Variants in ULK4 observed in about 807,000 individuals in gnomAD.
ULK4 encodes unc-51 like kinase 4.
A neutral mutation model predicts 160.6 loss-of-function variants in ULK4; 133 were observed. The ratio of observed to expected loss-of-function variants is 0.83; its 90% CI spans 0.72 to 0.96. The LOEUF (loss-of-function observed/expected upper bound fraction) is 0.96. ULK4 is among the 40% of genes least tolerant of loss of function. The pLI, the probability that ULK4 is intolerant of heterozygous loss-of-function variation, is 0.00. For missense variants in ULK4, 1,580 were observed against 1,499.5 expected (o/e 1.05, Z -0.89); for synonymous variants, 534 against 539.8 (o/e 0.99, Z 0.15).
At chr3:41,626,668 G>A (rs1330724963) in intron 30 of ULK4, among the ~76,000 whole-genome samples, 10 of 152,012 alleles carry the variant, frequency 6.6e-5, no homozygotes, top group African/African-American at 2.4e-4. Context: ...AGGACTACAG[G>A]CGCCCGCCAC....
At chr3:41,906,891 G>A (rs1698585254) in intron 12 of ULK4, among the ~76,000 whole-genome samples, 1 of 152,076 alleles carries the variant, frequency 6.6e-6, no homozygotes, top group Admixed American at 6.6e-5. Context: ...GACTTGGTAG[G>A]CTGAGGCAGG....
intron 30 of ULK4, among the ~76,000 whole-genome samples, chr3:41,625,058 G>A (rs1199428644): frequency 6.6e-6 from 1 of 152,086 alleles, no homozygotes; most frequent in Non-Finnish European, 1.5e-5. Flanking sequence ...AAGGAAGAAG[G>A]GTGGCTGCAA....
At chr3:41,688,414 GATGGTT>G (rs2036170295) in intron 27 of ULK4, among the ~76,000 whole-genome samples, 2 of 152,270 alleles carry the variant, frequency 1.3e-5, no homozygotes, top group East Asian at 3.9e-4. Flanking sequence ...CAAACAAATA[GATGGTT>G]TATCAAAGGT....
intron 35 of ULK4, among the ~76,000 whole-genome samples, chr3:41,261,920 G>C (rs182013085): frequency 1.3e-5 from 2 of 152,344 alleles, no homozygotes; most frequent in Admixed American, 1.3e-4. Flanking sequence ...TCAACAGTTT[G>C]CTGGGTAGCC....
chr3:41,662,329 A>G (rs536461195), intron 30 of ULK4, among the ~76,000 whole-genome samples: 1 of 152,300 alleles, frequency 6.6e-6, no homozygotes, highest in South Asian at 2.1e-4. Context: ...AATAGATGGT[A>G]GTATTTGCAT....
chr3:41,436,559 G>C (rs924137031), intron 34 of ULK4, among the ~76,000 whole-genome samples: 1 of 152,138 alleles, frequency 6.6e-6, no homozygotes, highest in African/African-American at 2.4e-5. Flanking sequence ...GCAGAAAACT[G>C]TCATTTTAAC....
Position 41,304,277 on chromosome 3 carries a change from A to C in ULK4, c.3679-54703T>G, listed in dbSNP as rs2079858586. ...AATAAGAGCAAAGCTCCCCCTCAAAAAAAAAAAAAAAAAGAGACAACATTC... is the reference window on the plus strand; with the variant it reads ...AATAAGAGCAAAGCTCCCCCTCAAACAAAAAAAAAAAAAGAGACAACATTC... On this transcript the variant is annotated intron_variant, in intron 35 of 36. Coordinates refer to ENST00000301831, the MANE Select transcript of ULK4 (RefSeq NM_017886.4). 4.6e-5 allele frequency among the ~76,000 whole-genome samples: 7 copies of C among 151,172 alleles called. 2 individuals are homozygous for C. Among genetic ancestry groups the C allele is most frequent in the Admixed American group, 4.6e-4 (7 of 15,166 alleles).
intron 32 of ULK4, among the ~76,000 whole-genome samples, chr3:41,508,991 A>G (rs1034483864): frequency 6.6e-6 from 1 of 152,158 alleles, no homozygotes; most frequent in Non-Finnish European, 1.5e-5. Flanking sequence ...ATTGCCAGAA[A>G]AAGAACTCAG....
chr3:41,258,820 CATAA>C (rs2078887384), intron 35 of ULK4, among the ~76,000 whole-genome samples: 1 of 151,936 alleles, frequency 6.6e-6, no homozygotes, highest in Non-Finnish European at 1.5e-5. Context: ...ATACTAAATA[CATAA>C]ATTTCACCTG....
intron 18 of ULK4, 80 bp downstream of exon 18, chr3:41,835,784 T>G: frequency 9.0e-7 from 1 of 1,114,748 alleles, no homozygotes; most frequent in Non-Finnish European, 1.3e-6. Flanking sequence ...ATCAAAAAAC[T>G]TTTATAGGAT....
rs1233364111 is a variant in ULK4, at chr3:41,705,299, T to C, written c.2641A>G (p.Ile881Val). The C allele has an allele frequency of 1.2e-6, 2 of 1,608,956 alleles. No homozygotes were observed. The highest frequency in any genetic ancestry group is 1.1e-5 in the South Asian group (1 of 89,276). ...LFSYGTILSHIKSVDSGETNI... is the reference protein window; with the variant it reads ...LFSYGTILSHVKSVDSGETNI... The stretch of plus-strand genomic sequence containing the variant: ...GTTTCTCCTGAGTCTACAGATTTAA[T>C]ATGACTCTGAAAAAAAATAAATTTT... The change falls in exon 26 of 37, where the codon ATT (isoleucine) becomes GTT (valine). Residue 881 changes from isoleucine to valine, a missense_variant. Ile to Val is a conservative substitution (Grantham distance 29, BLOSUM62 3). Transcript: ENST00000301831.
At chr3:41,548,034 A>G (rs2125961537) in intron 32 of ULK4, among the ~76,000 whole-genome samples, 1 of 152,256 alleles carries the variant, frequency 6.6e-6, no homozygotes. Flanking sequence ...AAGTGTGTTC[A>G]GTGGGCCTAG....
intron 34 of ULK4, among the ~76,000 whole-genome samples, chr3:41,443,807 T>C (rs1390583928): frequency 6.6e-6 from 1 of 152,082 alleles, no homozygotes; most frequent in Non-Finnish European, 1.5e-5. Context: ...TTAACTAGCA[T>C]GTTAAGCAAT....
rs377087104 is a variant in ULK4 at position 41,427,751 on chromosome 3, G to C, written c.3492+27746C>G. ...CATGCTAAAAACTCTCAATAAATTA[G>C]ATATTGCTGGAACATACCTCAAAAT... is the stretch of plus-strand genomic sequence containing the variant. On this transcript the variant is annotated intron_variant, in intron 34 of 36. Transcript: ENST00000301831. Among the ~76,000 whole-genome samples, 32 of 152,238 alleles carry C rather than the reference G, an allele frequency of 2.1e-4. No homozygotes were observed. The East Asian group carries it at 4.1e-3, about 19-fold the overall frequency.
intron 17 of ULK4, among the ~76,000 whole-genome samples, chr3:41,872,872 C>T (rs1237495616): frequency 1.3e-5 from 2 of 152,028 alleles, no homozygotes; most frequent in Non-Finnish European, 1.5e-5. Context: ...CAACAAACTT[C>T]GGCTGGGCGC....
intron 35 of ULK4, among the ~76,000 whole-genome samples, chr3:41,250,114 T>C (rs2078718156): frequency 6.6e-6 from 1 of 152,158 alleles, no homozygotes; most frequent in African/African-American, 2.4e-5. Flanking sequence ...CACTTGGGCA[T>C]GCCTGACTCT....
intron 21 of ULK4, among the ~76,000 whole-genome samples, chr3:41,788,808 T>C (rs1474616524): frequency 2.0e-5 from 3 of 152,092 alleles, no homozygotes; most frequent in African/African-American, 7.2e-5. Flanking sequence ...CTGGGAAAAA[T>C]TGTACAACTG....
intron 35 of ULK4, among the ~76,000 whole-genome samples, chr3:41,368,679 G>A (rs961903909): frequency 6.6e-5 from 10 of 152,094 alleles, no homozygotes; most frequent in African/African-American, 1.9e-4. Flanking sequence ...TTAGCATAAT[G>A]TTTCCAAGGT....
intron 34 of ULK4, among the ~76,000 whole-genome samples, chr3:41,446,788 T>TA: frequency 6.6e-6 from 1 of 150,716 alleles, no homozygotes; most frequent in Admixed American, 6.6e-5. Flanking sequence ...AATGATGAGT[T>TA]AATGGGTGCA....
Sources: allele counts gnomAD v4.1 joint callset (sites outside exome capture counted in the v4.1 genomes callset), GRCh38; gene constraint gnomAD v4.1.1; transcripts MANE v1.5; gene names NCBI Gene and HGNC (gene_info 2026-07-23, HGNC 2026-07-21).